MAF: variants seen among roughly 807,000 people sequenced by gnomAD.
The protein encoded by MAF is transcription factor Maf.
In MAF, 10 loss-of-function variants were observed where a neutral mutation model predicts 22.0. The observed-to-expected ratio is 0.45, with a 90% CI of 0.28 to 0.77. MAF has a LOEUF of 0.77. MAF is among the 30% of genes least tolerant of loss of function. MAF has a pLI of 0.12. For missense variants in MAF, 544 were observed against 548.4 expected (o/e 0.99, Z 0.08); for synonymous variants, 337 against 255.8 (o/e 1.32, Z -3.03).
the MAF span, among the ~76,000 whole-genome samples, chr16:79,251,241 A>G: frequency 6.6e-6 from 1 of 152,104 alleles, no homozygotes; most frequent in Non-Finnish European, 1.5e-5. Context: ...ATTTGATGAC[A>G]TCAAGGACTC....
the MAF span, among the ~76,000 whole-genome samples, chr16:79,375,872 C>A: frequency 6.6e-6 from 1 of 152,248 alleles, no homozygotes; most frequent in African/African-American, 2.4e-5. Context: ...TGGTGGAGAA[C>A]AAAGGACTTC....
the MAF span, among the ~76,000 whole-genome samples, chr16:79,376,632 T>A: frequency 6.6e-6 from 1 of 152,306 alleles, no homozygotes; most frequent in Admixed American, 6.5e-5. Context: ...ACCCATTAAC[T>A]CGTCATTTAG....
intron 1 of MAF, chr16:79,597,241 T>G: frequency 9.5e-7 from 1 of 1,049,894 alleles, no homozygotes. Flanking sequence ...AATTTATCTA[T>G]AACATTCCTT....
At chr16:79,417,575 C>T in the MAF span, among the ~76,000 whole-genome samples, 2 of 152,004 alleles carry the variant, frequency 1.3e-5, no homozygotes, top group East Asian at 1.9e-4. Flanking sequence ...GACAGACAAC[C>T]GAAGGAGGGA....
the MAF span, among the ~76,000 whole-genome samples, chr16:79,344,834 A>G: frequency 6.6e-6 from 1 of 152,224 alleles, no homozygotes; most frequent in Admixed American, 6.5e-5. Context: ...TGTCAAGAAC[A>G]TAAGGACCGA....
At chr16:79,295,738 C>G in the MAF span, among the ~76,000 whole-genome samples, 1 of 152,222 alleles carries the variant, frequency 6.6e-6, no homozygotes, top group Non-Finnish European at 1.5e-5. Context: ...GAGACCCTTA[C>G]TGGGGGCTTC....
At chr16:79,205,271 A>G in the MAF span, 1 of 152,218 alleles carries the variant, frequency 6.6e-6, no homozygotes, top group Non-Finnish European at 1.5e-5. Context: ...TCTCTGAGCC[A>G]CGGCCATCAA....
At chr16:79,309,102 G>C in the MAF span, among the ~76,000 whole-genome samples, 2 of 152,304 alleles carry the variant, frequency 1.3e-5, no homozygotes, top group East Asian at 1.9e-4. Flanking sequence ...GGAACAAAAG[G>C]CTATAGCAGT....
chr16:79,481,930 A>C, the MAF span, among the ~76,000 whole-genome samples: 1 of 152,160 alleles, frequency 6.6e-6, no homozygotes, highest in Non-Finnish European at 1.5e-5. Context: ...ACCTGCTCAG[A>C]CTTAGAGAAA....
At chr16:79,475,514 G>C in the MAF span, among the ~76,000 whole-genome samples, 1 of 151,976 alleles carries the variant, frequency 6.6e-6, no homozygotes, top group Admixed American at 6.5e-5. Flanking sequence ...TATATTTTCT[G>C]CCTGTCTATC....
chr16:79,458,723 G>A, the MAF span, among the ~76,000 whole-genome samples: 270 of 152,264 alleles, frequency 1.8e-3, no homozygotes, highest in Middle Eastern at 0.01. Flanking sequence ...TTGTTGTTAC[G>A]TTTAGTGTGT....
the MAF span, among the ~76,000 whole-genome samples, chr16:79,549,388 C>T: frequency 2.6e-5 from 4 of 152,316 alleles, no homozygotes; most frequent in South Asian, 4.1e-4. Flanking sequence ...ATAGAACACC[C>T]TGCAGCACAG....
Position 79,599,054 on chromosome 16 carries a change from C to T in MAF, c.849G>A (p.Lys283=), listed in dbSNP as rs765925536. Reference sequence around the variant, plus strand: ...TCTGCTTCAGCCGGATCACCTCCTCCTTGCTGACCCCGCGCAGCTGCCGGT... The same window carrying T: ...TCTGCTTCAGCCGGATCACCTCCTCTTTGCTGACCCCGCGCAGCTGCCGGT... The part of the protein sequence containing the change: ...ELNRQLRGVS[K]EEVIRLKQKR... The change falls in exon 1 of 2, where the codon AAG becomes AAA. Residue 283 remains lysine (K), a synonymous_variant. Transcript: ENST00000326043. 4.8e-5 allele frequency: 77 copies of T among 1,612,432 alleles called. No homozygotes were observed. Among genetic ancestry groups the T allele is most frequent in the Non-Finnish European group, 6.4e-5 (76 of 1,179,936 alleles).
chr16:79,384,111 A>T, the MAF span, among the ~76,000 whole-genome samples: 1 of 152,068 alleles, frequency 6.6e-6, no homozygotes, highest in African/African-American at 2.4e-5. Flanking sequence ...CTAGAACAGG[A>T]AGGGAGTCAG....
At chr16:79,223,036 A>T in the MAF span, among the ~76,000 whole-genome samples, 1 of 152,192 alleles carries the variant, frequency 6.6e-6, no homozygotes, top group African/African-American at 2.4e-5. Context: ...ACATTTACAG[A>T]ACTCTCCACC....
At chr16:79,478,017 G>A in the MAF span, among the ~76,000 whole-genome samples, 5 of 152,130 alleles carry the variant, frequency 3.3e-5, no homozygotes, top group Non-Finnish European at 7.3e-5. Flanking sequence ...CACTGCGCCT[G>A]GCCGTGACTT....
chr16:79,209,996 G>GAGAT, the MAF span, among the ~76,000 whole-genome samples: 1 of 152,206 alleles, frequency 6.6e-6, no homozygotes, highest in African/African-American at 2.4e-5. Flanking sequence ...ATAATGGAGG[G>GAGAT]AGATTGGGGA....
the MAF span, among the ~76,000 whole-genome samples, chr16:79,449,052 G>A: frequency 2.6e-5 from 4 of 152,160 alleles, no homozygotes; most frequent in Admixed American, 2.0e-4. Flanking sequence ...CCATCTGGGG[G>A]TGATGGGAGA....
At chr16:79,556,507 G>A in the MAF span, among the ~76,000 whole-genome samples, 3 of 152,210 alleles carry the variant, frequency 2.0e-5, no homozygotes, top group African/African-American at 7.2e-5. Context: ...GAGACTGTAA[G>A]CTGAGACATT....
Sources: gnomAD v4.1 joint callset for allele counts (sites outside exome capture counted in the v4.1 genomes callset) on GRCh38, gnomAD v4.1.1 for gene constraint, MANE v1.5 for transcripts, NCBI Gene and HGNC (gene_info 2026-07-23, HGNC 2026-07-21) for gene names.